WDR41: variants seen among roughly 807,000 people sequenced by gnomAD.
WDR41 encodes the protein WD repeat domain 41.
Under a neutral mutation model 69.3 loss-of-function variants are expected in WDR41, and 63 were observed. The observed-to-expected ratio is 0.91, with a 90% CI of 0.74 to 1.12. WDR41 has a LOEUF of 1.12. WDR41 is among the 50% of genes most tolerant of loss of function. The pLI is 0.00. For synonymous variants in WDR41, 185 were observed against 192.1 expected, an observed-to-expected ratio of 0.96 and a Z score of 0.31; for missense variants, 543 against 534.5, an observed-to-expected ratio of 1.02 and a Z score of -0.16.
chr5:77,594,349 G>A (rs1302035515), intron 1 of WDR41, among the ~76,000 whole-genome samples: 3 of 151,722 alleles, frequency 2.0e-5, no homozygotes, highest in Admixed American at 6.6e-5. Context: ...CACCAACATA[G>A]CACATGTATA....
intron 2 of WDR41, among the ~76,000 whole-genome samples, chr5:77,474,017 A>T (rs1426924855): frequency 5.3e-5 from 8 of 152,206 alleles, no homozygotes; most frequent in Non-Finnish European, 1.0e-4. Context: ...TCACAATAGC[A>T]AAGACTTGGA....
At chr5:77,607,558 G>A (rs1744446759) in intron 1 of WDR41, among the ~76,000 whole-genome samples, 1 of 152,152 alleles carries the variant, frequency 6.6e-6, no homozygotes. Flanking sequence ...ACAACCTCTG[G>A]ACCCTGTGTC....
At chr5:77,472,358 T>C (rs1581737597) in intron 2 of WDR41, among the ~76,000 whole-genome samples, 1 of 151,800 alleles carries the variant, frequency 6.6e-6, no homozygotes, top group Non-Finnish European at 1.5e-5. Context: ...CTTTGAAAAC[T>C]GGCACAAGAC....
Position 77,463,097 on chromosome 5 carries a change from T to TAA in WDR41, c.344_345dup (p.Ile116LeufsTer22). The TAA allele has an allele frequency of 6.2e-7, 1 of 1,611,548 alleles. No individual in the cohort carries two copies. The highest frequency in any genetic ancestry group is 8.5e-7 in the Non-Finnish European group (1 of 1,178,940). On this transcript the variant is annotated frameshift_variant, in exon 4 of 13. Coordinates refer to ENST00000296679, the MANE Select transcript of WDR41 (RefSeq NM_018268.4). LOFTEE classifies it high-confidence loss of function. The stretch of plus-strand genomic sequence containing the variant: ...ATTTCTTCCAGATTAAAGGATACAA[T>TAA]AACTGTTCTATCAGCAGAGGCTGTC...
chr5:77,464,404 C>T (rs1800204988), intron 3 of WDR41, among the ~76,000 whole-genome samples: 1 of 149,508 alleles, frequency 6.7e-6, no homozygotes, highest in African/African-American at 2.5e-5. Flanking sequence ...TGCCACTATG[C>T]CCAGCTGATT....
intron 1 of WDR41, among the ~76,000 whole-genome samples, chr5:77,591,040 G>T (rs1744128887): frequency 6.6e-6 from 1 of 152,052 alleles, no homozygotes; most frequent in African/African-American, 2.4e-5. Context: ...TTTTCTTTCT[G>T]AGTGGTTCTT....
chr5:77,507,194 G>A (rs182212084), intron 1 of WDR41, among the ~76,000 whole-genome samples: 3 of 152,258 alleles, frequency 2.0e-5, no homozygotes, highest in African/African-American at 7.2e-5. Context: ...TCAGAGTTCT[G>A]GAGATTGGTT....
chr5:77,552,166 T>G (rs187438468), intron 1 of WDR41, among the ~76,000 whole-genome samples: 12 of 151,126 alleles, frequency 7.9e-5, no homozygotes, highest in African/African-American at 2.9e-4. Flanking sequence ...TACAAACCAC[T>G]AAATAAAATT....
At chr5:77,508,433 GTTTT>G (rs1802147647) in intron 1 of WDR41, among the ~76,000 whole-genome samples, 1 of 152,186 alleles carries the variant, frequency 6.6e-6, no homozygotes, top group South Asian at 2.1e-4. Flanking sequence ...AAACGTCTGT[GTTTT>G]TGTTGGTATT....
At chr5:77,471,848 T>C (rs1003568337) in intron 2 of WDR41, among the ~76,000 whole-genome samples, 2 of 151,878 alleles carry the variant, frequency 1.3e-5, no homozygotes, top group Non-Finnish European at 2.9e-5. Flanking sequence ...CTACCAGAGG[T>C]ACAAGGAGAA....
intron 1 of WDR41, among the ~76,000 whole-genome samples, chr5:77,530,475 TA>T (rs1293995466): frequency 3.3e-5 from 5 of 151,548 alleles, no homozygotes. Flanking sequence ...ATGGATGAAC[TA>T]AAAAAATTAT....
intron 1 of WDR41, among the ~76,000 whole-genome samples, chr5:77,616,010 TAAA>T (rs1744674772): frequency 6.6e-6 from 1 of 151,388 alleles, no homozygotes; most frequent in African/African-American, 2.4e-5. Flanking sequence ...AATAAATAAA[TAAA>T]TAAATTAATT....
chr5:77,545,108 G>A (rs1743167332), intron 1 of WDR41, among the ~76,000 whole-genome samples: 1 of 152,028 alleles, frequency 6.6e-6, no homozygotes. Flanking sequence ...AAATTAAAAT[G>A]TTCTTCAGAC....
intron 1 of WDR41, among the ~76,000 whole-genome samples, chr5:77,599,679 A>G: frequency 6.6e-6 from 1 of 152,218 alleles, no homozygotes; most frequent in Non-Finnish European, 1.5e-5. Flanking sequence ...GGTCTTTAGC[A>G]TTTGGTGATG....
intron 1 of WDR41, among the ~76,000 whole-genome samples, chr5:77,522,921 C>A (rs192477181): frequency 1.4e-4 from 21 of 152,128 alleles, no homozygotes; most frequent in Non-Finnish European, 1.5e-4. Flanking sequence ...ATGAAGGTAA[C>A]AGGTGCAGAG....
chr5:77,464,126 C>T (rs772161217), intron 3 of WDR41, among the ~76,000 whole-genome samples: 9 of 151,928 alleles, frequency 5.9e-5, no homozygotes, highest in Non-Finnish European at 1.0e-4. Flanking sequence ...TGAAAGAAAA[C>T]TTGTGTGTCT....
intron 1 of WDR41, among the ~76,000 whole-genome samples, chr5:77,554,095 A>G (rs1009573361): frequency 1.3e-5 from 2 of 152,246 alleles, no homozygotes; most frequent in African/African-American, 4.8e-5. Context: ...AGCAATAAAA[A>G]TAAATAGTCG....
intron 1 of WDR41, among the ~76,000 whole-genome samples, chr5:77,561,647 A>C (rs1159511118): frequency 6.6e-6 from 1 of 152,258 alleles, no homozygotes; most frequent in South Asian, 2.1e-4. Context: ...AATATTTCCT[A>C]TTTAATATAG....
intron 1 of WDR41, among the ~76,000 whole-genome samples, chr5:77,489,905 C>G (rs886981206): frequency 6.6e-6 from 1 of 152,000 alleles, no homozygotes; most frequent in African/African-American, 2.4e-5. Context: ...TGGGCCAATC[C>G]AACTCAACAT....
Sources: allele counts gnomAD v4.1 joint callset (sites outside exome capture counted in the v4.1 genomes callset), GRCh38; gene constraint gnomAD v4.1.1; transcripts MANE v1.5; gene names NCBI Gene and HGNC (gene_info 2026-07-23, HGNC 2026-07-21).